Variants in TSPAN18 observed in about 807,000 individuals in gnomAD.
The protein encoded by TSPAN18 is tetraspanin 18.
TSPAN18 carries 14 observed loss-of-function variants against 27.3 expected under a neutral mutation model. The ratio of observed to expected loss-of-function variants is 0.51; its 90% CI spans 0.34 to 0.80. The LOEUF is 0.80. TSPAN18 is among the 30% of genes least tolerant of loss of function. The pLI is 0.01. For synonymous variants in TSPAN18, 143 were observed against 136.5 expected (o/e 1.05, Z -0.33); for missense variants, 268 against 323.9 (o/e 0.83, Z 1.32).
At chr11:44,835,981 C>T (rs554188512) in intron 2 of TSPAN18, among the ~76,000 whole-genome samples, 19 of 152,232 alleles carry the variant, frequency 1.2e-4, no homozygotes, top group African/African-American at 2.9e-4. Context: ...CTGAACCCAC[C>T]GGCCATTCCC....
intron 2 of TSPAN18, among the ~76,000 whole-genome samples, chr11:44,855,300 T>C (rs1857706129): frequency 2.6e-5 from 4 of 152,354 alleles, no homozygotes; most frequent in African/African-American, 9.6e-5. Flanking sequence ...CTCAGGTTTA[T>C]TTGCTCATAA....
At chr11:44,851,613 C>A (rs1368173545) in intron 2 of TSPAN18, among the ~76,000 whole-genome samples, 1 of 102,618 alleles carries the variant, frequency 9.7e-6, no homozygotes, top group Non-Finnish European at 2.1e-5. Context: ...ACTCTTGTCA[C>A]CTCCCCCCCC....
At chr11:44,828,911 G>A (rs1857099605) in intron 2 of TSPAN18, among the ~76,000 whole-genome samples, 1 of 152,220 alleles carries the variant, frequency 6.6e-6, no homozygotes, top group African/African-American at 2.4e-5. Context: ...CCTTGTGGAA[G>A]CCACCACTAT....
intron 2 of TSPAN18, among the ~76,000 whole-genome samples, chr11:44,782,826 T>A (rs1855970631): frequency 6.6e-6 from 1 of 152,220 alleles, no homozygotes; most frequent in Non-Finnish European, 1.5e-5. Flanking sequence ...AAAATATCTG[T>A]TCAAGTCATT....
chr11:44,750,335 A>T (rs1359348595), intron 1 of TSPAN18, among the ~76,000 whole-genome samples: 3 of 152,236 alleles, frequency 2.0e-5, no homozygotes, highest in South Asian at 2.1e-4. Context: ...ATAGCCATAG[A>T]TAAAGGCTGG....
intron 2 of TSPAN18, among the ~76,000 whole-genome samples, chr11:44,809,613 G>C (rs1432617308): frequency 1.3e-5 from 2 of 149,544 alleles, no homozygotes; most frequent in Non-Finnish European, 3.0e-5. Flanking sequence ...TGAATCTTGA[G>C]GGGGTGGGTG....
chr11:44,922,148 G>C (rs546073228), intron 8 of TSPAN18, among the ~76,000 whole-genome samples: 1 of 137,150 alleles, frequency 7.3e-6, no homozygotes, highest in Admixed American at 7.7e-5. Context: ...ACTGAGTCTC[G>C]CTCTGTCGCT....
Position 44,863,236 on chromosome 11 carries a change from C to T in TSPAN18, c.-11+2767C>T, listed in dbSNP as rs115714202. On this transcript the variant is annotated intron_variant, in intron 3 of 9. Coordinates refer to ENST00000520358, the MANE Select transcript of TSPAN18 (RefSeq NM_130783.5). ...AGTTTCGGACGTTAGAAAGGACATT[C>T]GGGAGGAAGACACAGTGAGAGCAAA... Among the ~76,000 whole-genome samples the T allele has an allele frequency of 8.3e-3, 1,260 of 152,262 alleles. 22 individuals are homozygous for T. The highest frequency in any genetic ancestry group is 0.029 in the African/African-American group (1,219 of 41,538).
At chr11:44,855,116 A>G (rs1285241854) in intron 2 of TSPAN18, among the ~76,000 whole-genome samples, 1 of 151,568 alleles carries the variant, frequency 6.6e-6, no homozygotes, top group African/African-American at 2.4e-5. Flanking sequence ...ATGTTTATGG[A>G]CTGCCATTAG....
intron 2 of TSPAN18, among the ~76,000 whole-genome samples, chr11:44,830,675 C>A (rs977259502): frequency 2.6e-5 from 4 of 152,172 alleles, no homozygotes; most frequent in African/African-American, 7.2e-5. Flanking sequence ...GCACCTAACA[C>A]AAATAAGTAA....
At chr11:44,901,322 C>T (rs1337008011) in intron 3 of TSPAN18, 1 of 152,232 alleles carries the variant, frequency 6.6e-6, no homozygotes, top group African/African-American at 2.4e-5. Context: ...ATGTAATCTG[C>T]AATGAATGTG....
chr11:44,873,360 A>G (rs1858246319), intron 3 of TSPAN18, among the ~76,000 whole-genome samples: 1 of 152,202 alleles, frequency 6.6e-6, no homozygotes, highest in Non-Finnish European at 1.5e-5. Context: ...AATCCCAGGA[A>G]TGCCACAGCA....
intron 2 of TSPAN18, among the ~76,000 whole-genome samples, chr11:44,792,351 G>A (rs528524272): frequency 3.0e-4 from 46 of 152,276 alleles, no homozygotes; most frequent in South Asian, 1.0e-3. Flanking sequence ...AGGCACGCAC[G>A]GCCTGGAGCA....
chr11:44,919,105 C>T lies in TSPAN18; in HGVS notation c.334-109C>T, dbSNP rs141230027. ...GGGACCTGGCACCAGGATGCAGAGC[C>T]CCTAGCTCTCATTCCCCCAACTCCC... On this transcript the variant is annotated intron_variant, in intron 6 of 9. Coordinates refer to ENST00000520358, the MANE Select transcript of TSPAN18 (RefSeq NM_130783.5). The T allele has an allele frequency of 3.5e-5, 30 of 861,882 alleles. No homozygotes were observed. In the African/African-American group the frequency reaches 4.6e-4, roughly 13 times the overall value. The allele number at this position is 861,882 out of a possible 1,614,324, so 53.4% of individuals were successfully genotyped here. A position where few individuals can be genotyped will look rare whatever the true frequency, so the allele number is the denominator to read the frequency against.
At chr11:44,862,889 G>A (rs559721398) in intron 3 of TSPAN18, among the ~76,000 whole-genome samples, 4 of 152,328 alleles carry the variant, frequency 2.6e-5, no homozygotes, top group Middle Eastern at 3.4e-3. Flanking sequence ...ATGGCCCTGG[G>A]GAGGAGGAAG....
intron 2 of TSPAN18, among the ~76,000 whole-genome samples, chr11:44,845,859 G>A (rs965395640): frequency 1.3e-5 from 2 of 152,204 alleles, no homozygotes; most frequent in Admixed American, 6.5e-5. Flanking sequence ...CACCTGGTAG[G>A]GTGAGCCATC....
At chr11:44,813,699 C>T in intron 2 of TSPAN18, among the ~76,000 whole-genome samples, 1 of 152,306 alleles carries the variant, frequency 6.6e-6, no homozygotes, top group Middle Eastern at 3.4e-3. Flanking sequence ...AGGGTCCCAG[C>T]TGCATGCATG....
chr11:44,808,073 T>C (rs923599753), intron 2 of TSPAN18, among the ~76,000 whole-genome samples: 8 of 152,204 alleles, frequency 5.3e-5, no homozygotes, highest in African/African-American at 1.9e-4. Context: ...GATATTGTTT[T>C]AGTAATTCGG....
intron 1 of TSPAN18, among the ~76,000 whole-genome samples, chr11:44,737,088 G>A (rs186368387): frequency 3.6e-4 from 55 of 152,336 alleles, no homozygotes; most frequent in African/African-American, 1.3e-3. Flanking sequence ...TGAATGGGTA[G>A]ATTCTTAGCT....
Sources: gnomAD v4.1 joint callset for allele counts (sites outside exome capture counted in the v4.1 genomes callset) on GRCh38, gnomAD v4.1.1 for gene constraint, MANE v1.5 for transcripts, NCBI Gene and HGNC (gene_info 2026-07-23, HGNC 2026-07-21) for gene names.